Variants in MTHFD1 observed in about 807,000 individuals in gnomAD.
MTHFD1 encodes the protein methylenetetrahydrofolate dehydrogenase, cyclohydrolase and formyltetrahydrofolate synthetase 1, also known as C-1-tetrahydrofolate synthase, cytoplasmic.
In MTHFD1, 44 loss-of-function variants were observed where a neutral mutation model predicts 110.3. The ratio of observed to expected loss-of-function variants is 0.40; its 90% CI spans 0.31 to 0.51. The LOEUF (loss-of-function observed/expected upper bound fraction) is 0.51. Ranked by LOEUF, MTHFD1 falls within the 20% of genes least tolerant of loss-of-function variation. The pLI, the probability that MTHFD1 is intolerant of heterozygous loss-of-function variation, is 0.60. For missense variants in MTHFD1, 909 were observed against 1,173.1 expected (o/e 0.77, Z 3.29); for synonymous variants, 402 against 428.8 (o/e 0.94, Z 0.77).
At chr14:64,405,305 C>A (rs1596534328) in intron 2 of MTHFD1, among the ~76,000 whole-genome samples, 1 of 152,086 alleles carries the variant, frequency 6.6e-6, no homozygotes, top group African/African-American at 2.4e-5. Context: ...GACTTCCAAC[C>A]TTGTTTTTTA....
Sources: allele counts gnomAD v4.1 joint callset (sites outside exome capture counted in the v4.1 genomes callset), GRCh38; gene constraint gnomAD v4.1.1; transcripts MANE v1.5; gene names NCBI Gene and HGNC (gene_info 2026-07-23, HGNC 2026-07-21).